The following NOS1AP variants were observed in gnomAD, a reference collection of about 807,000 sequenced individuals.
The protein encoded by NOS1AP is carboxyl-terminal PDZ ligand of neuronal nitric oxide synthase protein.
NOS1AP carries 21 observed loss-of-function variants against 56.2 expected under a neutral mutation model. The observed-to-expected ratio is 0.37, with a 90% CI of 0.26 to 0.54. NOS1AP has a LOEUF of 0.54. NOS1AP is among the 20% of genes least tolerant of loss of function. The probability of loss-of-function intolerance (pLI) is 0.84; values close to 1 mark genes in which losing one functional copy is unlikely to be tolerated. For missense variants in NOS1AP, 522 were observed against 657.8 expected (o/e 0.79, Z 2.26); for synonymous variants, 270 against 274.6 (o/e 0.98, Z 0.17).
chr1:162,252,506 G>A (rs1653897777), intron 2 of NOS1AP, among the ~76,000 whole-genome samples: 1 of 152,136 alleles, frequency 6.6e-6, no homozygotes, highest in Admixed American at 6.5e-5. Flanking sequence ...AGAAATTCAG[G>A]CTGTGAGGTC....
chr1:162,177,428 G>A (rs1651102818), intron 2 of NOS1AP, among the ~76,000 whole-genome samples: 1 of 152,104 alleles, frequency 6.6e-6, no homozygotes, highest in Non-Finnish European at 1.5e-5. Flanking sequence ...GGGGTGAGTT[G>A]TGGTGGTGTC....
In NOS1AP at chr1:162,073,480, G is replaced by A. The variant is rs562949121; in HGVS notation, c.105+3198G>A. 2.6e-5 allele frequency among the ~76,000 whole-genome samples: 4 copies of A among 152,154 alleles called. No individual in the cohort carries two copies. In the South Asian group the frequency reaches 8.3e-4, roughly 32 times the overall value. ...TTATTTATTTATTTATTTATTTTGA[G>A]ATGGAGTTTTGCTCTTGTTGCCCAG... is the stretch of plus-strand genomic sequence containing the variant. On this transcript the variant is annotated intron_variant, in intron 1 of 9. Transcript: ENST00000361897.
rs1284951062 is a variant in NOS1AP, at chr1:162,251,630, G to GTC, written c.178-35713_178-35712insCT. Among the ~76,000 whole-genome samples the GTC allele has an allele frequency of 2.1e-5, 3 of 146,096 alleles. No individual in the cohort carries two copies. The East Asian group carries it at 5.9e-4, about 29-fold the overall frequency. On this transcript the variant is annotated intron_variant, in intron 2 of 9. Transcript: ENST00000361897. The stretch of plus-strand genomic sequence containing the variant: ...TGTGTGTGTGTGTGTGTGTGTGTGT[G>GTC]TGTCTGTGTGTGTGTATAAATATAT...
intron 3 of NOS1AP, among the ~76,000 whole-genome samples, chr1:162,298,427 G>A (rs1462431642): frequency 2.0e-5 from 3 of 152,206 alleles, no homozygotes; most frequent in African/African-American, 7.2e-5. Flanking sequence ...AACCAGGGTG[G>A]TGTAATTGGA....
At chr1:162,360,378 T>C (rs1244556022) in intron 8 of NOS1AP, among the ~76,000 whole-genome samples, 1 of 152,150 alleles carries the variant, frequency 6.6e-6, no homozygotes, top group Non-Finnish European at 1.5e-5. Flanking sequence ...TAGCTAAGCC[T>C]CGAAGCGAAG....
At chr1:162,165,651 A>C (rs1174953836) in intron 2 of NOS1AP, among the ~76,000 whole-genome samples, 2 of 152,140 alleles carry the variant, frequency 1.3e-5, no homozygotes, top group Non-Finnish European at 2.9e-5. Context: ...GTCTGCTTAC[A>C]TCTGACTCAG....
At chr1:162,298,975 T>A (rs573682806) in intron 3 of NOS1AP, among the ~76,000 whole-genome samples, 1 of 152,386 alleles carries the variant, frequency 6.6e-6, no homozygotes, top group East Asian at 1.9e-4. Flanking sequence ...GAATATGTGG[T>A]CACGGCTATA....
At chr1:162,332,507 T>A (rs895486181) in intron 4 of NOS1AP, among the ~76,000 whole-genome samples, 1 of 152,176 alleles carries the variant, frequency 6.6e-6, no homozygotes, top group Non-Finnish European at 1.5e-5. Context: ...ACATGGATGC[T>A]GTGGTCCAGG....
At chr1:162,253,754 G>GT (rs763065319) in intron 2 of NOS1AP, among the ~76,000 whole-genome samples, 2 of 151,674 alleles carry the variant, frequency 1.3e-5, no homozygotes, top group East Asian at 1.9e-4. Flanking sequence ...TATCTTCTGG[G>GT]TTTTTTTTCT....
chr1:162,272,556 C>T (rs17425897), intron 2 of NOS1AP, among the ~76,000 whole-genome samples: 3,825 of 152,212 alleles, frequency 0.025, 69 homozygotes, highest in Non-Finnish European at 0.038. Context: ...CTAGATGTTC[C>T]CCTTCTTGAA....
intron 1 of NOS1AP, among the ~76,000 whole-genome samples, chr1:162,104,234 C>T (rs973982670): frequency 1.3e-5 from 2 of 152,116 alleles, no homozygotes; most frequent in Non-Finnish European, 2.9e-5. Context: ...GAATATTGGC[C>T]CCCAGTCTCT....
intron 1 of NOS1AP, among the ~76,000 whole-genome samples, chr1:162,077,008 GT>G (rs1004936322): frequency 6.6e-6 from 1 of 152,116 alleles, no homozygotes; most frequent in African/African-American, 2.4e-5. Context: ...CATTTAGGTT[GT>G]TTCCATTTTT....
chr1:162,362,832 C>G (rs867465401), intron 8 of NOS1AP, among the ~76,000 whole-genome samples: 1 of 152,186 alleles, frequency 6.6e-6, no homozygotes, highest in Non-Finnish European at 1.5e-5. Context: ...TGAAATTTCT[C>G]CATGCCTCCC....
rs1371700667 is a variant in NOS1AP at position 162,070,171 on chromosome 1, G to A, written c.-7G>A. ...CCTCCGAAGGAGCGGGTCCGCCGCG[G>A]GTAACCATGCCTAGCAAAACCAAGT... is the stretch of plus-strand genomic sequence containing the variant. On this transcript the variant is annotated 5_prime_UTR_variant, in exon 1 of 10. Transcript: ENST00000361897. 3 of 1,612,806 alleles carry A rather than the reference G, an allele frequency of 1.9e-6. No homozygotes were observed. The highest frequency in any genetic ancestry group is 2.2e-5 in the East Asian group (1 of 44,848).
intron 8 of NOS1AP, chr1:162,362,848 A>G: frequency 1.9e-6 from 1 of 534,394 alleles, no homozygotes. Flanking sequence ...CTCCCTTTCC[A>G]AAGAGGAGAA....
At chr1:162,192,899 A>C (rs1183334151) in intron 2 of NOS1AP, among the ~76,000 whole-genome samples, 1 of 151,792 alleles carries the variant, frequency 6.6e-6, no homozygotes. Context: ...ACTATGGGGG[A>C]GACTTAGCAA....
At chr1:162,338,843 C>T (rs1400662040) in intron 5 of NOS1AP, 1 of 152,180 alleles carries the variant, frequency 6.6e-6, no homozygotes, top group African/African-American at 2.4e-5. Context: ...GGGTGTACAA[C>T]CCACAGTGAT....
chr1:162,140,866 G>A (rs1243620092), intron 1 of NOS1AP, among the ~76,000 whole-genome samples: 1 of 152,288 alleles, frequency 6.6e-6, no homozygotes, highest in South Asian at 2.1e-4. Context: ...GTATCTCACT[G>A]TGGTTTCGAT....
chr1:162,360,738 G>A (rs1233546138), intron 8 of NOS1AP: 12 of 449,822 alleles, frequency 2.7e-5, no homozygotes, highest in African/African-American at 6.0e-5. Flanking sequence ...TCCCCAGCAC[G>A]CTGGCATGCA....
Sources: allele counts gnomAD v4.1 joint callset (sites outside exome capture counted in the v4.1 genomes callset), GRCh38; gene constraint gnomAD v4.1.1; transcripts MANE v1.5; gene names NCBI Gene and HGNC (gene_info 2026-07-23, HGNC 2026-07-21).